Variants in NAV2 observed in about 807,000 individuals in gnomAD.
NAV2 encodes helicase, APC down-regulated 1.
A neutral mutation model predicts 223.2 loss-of-function variants in NAV2; 54 were observed. That is an observed-to-expected ratio of 0.24 (90% CI 0.19 to 0.30). The LOEUF (loss-of-function observed/expected upper bound fraction) is 0.30. NAV2 is among the 10% of genes least tolerant of loss of function. The pLI is 1.00. For synonymous variants in NAV2, 1,279 were observed against 1,239.3 expected (o/e 1.03, Z -0.67); for missense variants, 2,806 against 3,147.5 (o/e 0.89, Z 2.60).
At chr11:19,943,716 C>T (rs1032597072) in intron 8 of NAV2, among the ~76,000 whole-genome samples, 2 of 152,062 alleles carry the variant, frequency 1.3e-5, no homozygotes, top group Admixed American at 6.6e-5. Context: ...GTGCTATGTT[C>T]TAGATGGAGA....
intron 1 of NAV2, among the ~76,000 whole-genome samples, chr11:19,591,763 C>T (rs1004593727): frequency 1.3e-4 from 20 of 152,146 alleles, no homozygotes; most frequent in Non-Finnish European, 2.5e-4. Context: ...TTGGGAGGAC[C>T]TTGAGAAACT....
In NAV2 at chr11:19,877,470, C is replaced by CTTTTTTTTTTTCTTTTTTCTTTTCT. The variant is rs2062911114; in HGVS notation, c.512-2388_512-2387insCTTTTTTCTTTTCTTTTTTTTTTTT. On this transcript the variant is annotated intron_variant, in intron 4 of 37. Coordinates refer to ENST00000349880, the MANE Select transcript of NAV2 (RefSeq NM_145117.5). ...AGACCTTGCTTGGCTTATCTTCATT[C>CTTTTTTTTTTTCTTTTTTCTTTTCT]TTTTTTTTTTTTTTTTTTTTGAGAC... 6.1e-5 allele frequency among the ~76,000 whole-genome samples: 5 copies of CTTTTTTTTTTTCTTTTTTCTTTTCT among 82,606 alleles called. No homozygotes were observed. In the South Asian group the frequency reaches 2.0e-3, roughly 33 times the overall value. 54.2% of individuals were successfully genotyped at this position (82,606 alleles called of 152,430 possible).
At chr11:19,987,557 T>C (rs1013808638) in intron 11 of NAV2, among the ~76,000 whole-genome samples, 8 of 152,248 alleles carry the variant, frequency 5.3e-5, no homozygotes, top group African/African-American at 1.9e-4. Context: ...TAAGGGACGC[T>C]GGCCTACCAG....
rs144294677 is a variant in NAV2, at chr11:19,804,181, A to G, written c.268-28303A>G. On this transcript the variant is annotated intron_variant, in intron 1 of 37. Coordinates refer to ENST00000349880, the MANE Select transcript of NAV2 (RefSeq NM_145117.5). ...TAGGGTCATCTGGTTAAAAATAGAT[A>G]ATGTTCATACTCGTTTTATAAGTCT... Among the ~76,000 whole-genome samples, 1,131 of 152,228 alleles carry G rather than the reference A, an allele frequency of 7.4e-3. 16 individuals are homozygous for G. The highest frequency in any genetic ancestry group is 0.026 in the African/African-American group (1,070 of 41,520).
chr11:19,922,701 C>T (rs556431915), intron 6 of NAV2, among the ~76,000 whole-genome samples: 9 of 152,272 alleles, frequency 5.9e-5, no homozygotes, highest in African/African-American at 2.2e-4. Flanking sequence ...TACCTGCCCA[C>T]GGTTCTGTTG....
chr11:20,108,002 T>G (rs1214899743), intron 36 of NAV2, among the ~76,000 whole-genome samples: 1 of 152,240 alleles, frequency 6.6e-6, no homozygotes, highest in Admixed American at 6.5e-5. Flanking sequence ...TGGTTAGCCT[T>G]TCTGTGCCTC....
chr11:19,772,791 T>G (rs965785159), intron 1 of NAV2, among the ~76,000 whole-genome samples: 2 of 152,246 alleles, frequency 1.3e-5, no homozygotes, highest in Non-Finnish European at 2.9e-5. Flanking sequence ...CTACTTTGTC[T>G]GAAGTTCCCC....
intron 1 of NAV2, among the ~76,000 whole-genome samples, chr11:19,737,945 G>A (rs1335208703): frequency 6.6e-6 from 1 of 152,234 alleles, no homozygotes; most frequent in Admixed American, 6.5e-5. Flanking sequence ...TACTGTCTCA[G>A]CAGCTCTTAG....
intron 10 of NAV2, among the ~76,000 whole-genome samples, chr11:19,964,340 G>T (rs1361499179): frequency 2.0e-5 from 3 of 152,130 alleles, no homozygotes; most frequent in Non-Finnish European, 4.4e-5. Context: ...CAGGCCCTCA[G>T]GGTACAAAGA....
intron 1 of NAV2, among the ~76,000 whole-genome samples, chr11:19,641,483 A>C (rs2047662972): frequency 6.6e-5 from 10 of 151,966 alleles, no homozygotes; most frequent in Admixed American, 6.6e-4. Context: ...TCAGCAGCCA[A>C]TGAGTTGAAA....
chr11:19,836,043 C>A (rs1051696329), intron 2 of NAV2, among the ~76,000 whole-genome samples: 1 of 152,160 alleles, frequency 6.6e-6, no homozygotes, highest in Admixed American at 6.5e-5. Flanking sequence ...AGCATGGTGC[C>A]TTGCATGCAG....
intron 1 of NAV2, among the ~76,000 whole-genome samples, chr11:19,563,692 C>G (rs1237374109): frequency 6.6e-6 from 1 of 152,126 alleles, no homozygotes; most frequent in East Asian, 1.9e-4. Context: ...TCACATGCCC[C>G]CAAAAGTTGG....
chr11:19,712,842 C>T lies in NAV2; in HGVS notation c.-854C>T, dbSNP rs1008850333. On this transcript the variant is annotated 5_prime_UTR_variant, in exon 1 of 38. Coordinates refer to ENST00000349880, the MANE Select transcript of NAV2 (RefSeq NM_145117.5). The stretch of plus-strand genomic sequence containing the variant: ...AGCAGCGCCGGCAGCAGCCTGTCCT[C>T]CCCTGCGCTGAGCCCCGCAGCCAGC... Among the ~76,000 whole-genome samples the T allele has an allele frequency of 6.6e-6, 1 of 151,310 alleles. No homozygotes were observed. Among genetic ancestry groups the T allele is most frequent in the African/African-American group, 2.4e-5 (1 of 41,320 alleles).
chr11:19,426,329 A>G (rs1420322190), intron 1 of NAV2, among the ~76,000 whole-genome samples: 1 of 152,190 alleles, frequency 6.6e-6, no homozygotes, highest in Non-Finnish European at 1.5e-5. Context: ...AGAGGAATCC[A>G]GCTTCCCCAG....
chr11:19,883,965 C>G (rs767368367), intron 5 of NAV2, among the ~76,000 whole-genome samples: 2 of 152,186 alleles, frequency 1.3e-5, no homozygotes, highest in Admixed American at 6.5e-5. Context: ...TTTAGAAAGG[C>G]ATAAAGTTTG....
At chr11:19,430,396 G>A (rs1324000701) in intron 1 of NAV2, among the ~76,000 whole-genome samples, 1 of 152,140 alleles carries the variant, frequency 6.6e-6, no homozygotes, top group Admixed American at 6.5e-5. Context: ...CTCTCGCATA[G>A]CCTCCTCAGG....
At position 19,671,671 on chromosome 11, in the gene NAV2, T is replaced by A. The variant is rs192456026; in HGVS notation, c.76-160813T>A. Among the ~76,000 whole-genome samples, 3 of 152,356 alleles carry A rather than the reference T, an allele frequency of 2.0e-5. No individual in the cohort carries two copies. In the East Asian group the frequency reaches 5.8e-4, roughly 29 times the overall value. ...CAAATTGTTTCCATAAAGGGCAAGA[T>A]CATAAATGTTTCAGGCTTTGCACGG... On this transcript the variant is annotated intron_variant, in intron 1 of 37. Transcript: ENST00000360655.
intron 1 of NAV2, among the ~76,000 whole-genome samples, chr11:19,593,126 C>T (rs563495204): frequency 1.3e-5 from 2 of 152,340 alleles, no homozygotes; most frequent in East Asian, 3.9e-4. Context: ...GCAGCCCCTT[C>T]AGAGTCATAC....
At chr11:19,824,166 T>G (rs959352178) in intron 1 of NAV2, among the ~76,000 whole-genome samples, 1 of 152,194 alleles carries the variant, frequency 6.6e-6, no homozygotes, top group Non-Finnish European at 1.5e-5. Context: ...ATGATCTCAT[T>G]TAATCTGTAA....
Sources: gnomAD v4.1 joint callset for allele counts (sites outside exome capture counted in the v4.1 genomes callset) on GRCh38, gnomAD v4.1.1 for gene constraint, MANE v1.5 for transcripts, NCBI Gene and HGNC (gene_info 2026-07-23, HGNC 2026-07-21) for gene names.